Variants in SGMS2 observed in about 807,000 individuals in gnomAD.
SGMS2 encodes the protein phosphatidylcholine:ceramide cholinephosphotransferase 2.
Under a neutral mutation model 43.8 loss-of-function variants are expected in SGMS2, and 21 were observed. The observed-to-expected ratio is 0.48, with a 90% CI of 0.34 to 0.69. The LOEUF (loss-of-function observed/expected upper bound fraction) is 0.69. Ranked by LOEUF, SGMS2 falls within the 30% of genes least tolerant of loss-of-function variation. The pLI, the probability that SGMS2 is intolerant of heterozygous loss-of-function variation, is 0.01. For synonymous variants in SGMS2, 167 were observed against 160.6 expected (o/e 1.04, Z -0.30); for missense variants, 384 against 443.2 (o/e 0.87, Z 1.20).
intron 1 of SGMS2, among the ~76,000 whole-genome samples, chr4:107,852,150 G>T (rs1727185897): frequency 6.6e-6 from 1 of 151,440 alleles, no homozygotes; most frequent in Non-Finnish European, 1.5e-5. Flanking sequence ...CTCGCTGCAA[G>T]GTCCGCCTCC....
intron 3 of SGMS2, among the ~76,000 whole-genome samples, chr4:107,898,599 ATCCC>A (rs1730867772): frequency 6.6e-6 from 1 of 152,142 alleles, no homozygotes; most frequent in Non-Finnish European, 1.5e-5. Context: ...TCATCTCTTA[ATCCC>A]CAGAGCCCAG....
At chr4:107,904,261 A>C (rs1400090653) in intron 5 of SGMS2, among the ~76,000 whole-genome samples, 1 of 151,780 alleles carries the variant, frequency 6.6e-6, no homozygotes, top group Non-Finnish European at 1.5e-5. Flanking sequence ...TATTTTTTGG[A>C]GGTTTATCTT....
intron 1 of SGMS2, among the ~76,000 whole-genome samples, chr4:107,838,408 C>T (rs1726315021): frequency 6.6e-6 from 1 of 151,876 alleles, no homozygotes; most frequent in Non-Finnish European, 1.5e-5. Flanking sequence ...CCACTTTACC[C>T]TGTGGGCTAG....
At position 107,914,012 on chromosome 4, in the gene SGMS2, T is replaced by A. The variant is rs370866561; in HGVS notation, c.*3459T>A. The A allele has an allele frequency of 2.6e-5, 4 of 152,260 alleles. No homozygotes were observed. The East Asian group carries it at 7.7e-4, about 29-fold the overall frequency. 9.4% of individuals were successfully genotyped at this position (152,260 alleles called of 1,614,324 possible). A position where few individuals can be genotyped will look rare whatever the true frequency, so the allele number is the denominator to read the frequency against. On this transcript the variant is annotated 3_prime_UTR_variant, in exon 7 of 7. Coordinates refer to ENST00000690982, the MANE Select transcript of SGMS2 (RefSeq NM_001375905.1). ...GTGTGAGAAGGAGTTTCTTAATGAG[T>A]TTACACGTTTAAATCAAGCATATTA...
At chr4:107,840,039 AC>A (rs1288437796) in intron 1 of SGMS2, among the ~76,000 whole-genome samples, 1 of 152,130 alleles carries the variant, frequency 6.6e-6, no homozygotes, top group Non-Finnish European at 1.5e-5. Context: ...TTATATGGTC[AC>A]CCTACTTAAA....
intron 1 of SGMS2, among the ~76,000 whole-genome samples, chr4:107,853,315 G>A (rs1033762226): frequency 1.3e-5 from 2 of 152,176 alleles, no homozygotes; most frequent in Non-Finnish European, 2.9e-5. Context: ...TGGGCAGAGA[G>A]AAGTACAGAG....
intron 2 of SGMS2, among the ~76,000 whole-genome samples, chr4:107,872,389 A>G (rs150108234): frequency 6.6e-6 from 1 of 152,214 alleles, no homozygotes; most frequent in African/African-American, 2.4e-5. Flanking sequence ...TTAATCTTTC[A>G]TTATTATTGT....
At chr4:107,890,383 A>T (rs1730103645) in intron 2 of SGMS2, among the ~76,000 whole-genome samples, 1 of 152,134 alleles carries the variant, frequency 6.6e-6, no homozygotes, top group Non-Finnish European at 1.5e-5. Flanking sequence ...GAAAAAATTT[A>T]AAAAACGGGC....
chr4:107,908,783 C>G, intron 6 of SGMS2, 52 bp downstream of exon 6: 1 of 1,534,680 alleles, frequency 6.5e-7, no homozygotes, highest in East Asian at 2.3e-5. Flanking sequence ...ATGCAGTGGA[C>G]CCTTTTCATG....
chr4:107,897,679 C>T (rs1730789875), intron 3 of SGMS2, among the ~76,000 whole-genome samples: 2 of 152,184 alleles, frequency 1.3e-5, no homozygotes, highest in African/African-American at 2.4e-5. Flanking sequence ...TCCAAACACA[C>T]GGTCACATAG....
upstream of SGMS2, chr4:107,824,916 C>G (rs1725480821): frequency 6.6e-6 from 1 of 151,806 alleles, no homozygotes; most frequent in Non-Finnish European, 1.5e-5. Context: ...AGAGCGGGCG[C>G]GGGGCCGCGG....
In SGMS2 at chr4:107,882,381, T is replaced by C. The variant is rs143722658; in HGVS notation, c.-244-12929T>C. ...GATCATTGATGTTAAGCACTTTTCATATAGCTGTTTGCCATCTGTCTGTCT... is the reference window on the plus strand; with the variant it reads ...GATCATTGATGTTAAGCACTTTTCACATAGCTGTTTGCCATCTGTCTGTCT... On this transcript the variant is annotated intron_variant, in intron 2 of 6. Coordinates refer to ENST00000690982, the MANE Select transcript of SGMS2 (RefSeq NM_001375905.1). Among the ~76,000 whole-genome samples the C allele has an allele frequency of 2.0e-5, 3 of 152,358 alleles. No homozygotes were observed. In the East Asian group the frequency reaches 5.8e-4, roughly 29 times the overall value.
chr4:107,890,621 G>C (rs1046048247), intron 2 of SGMS2, among the ~76,000 whole-genome samples: 16 of 145,530 alleles, frequency 1.1e-4, no homozygotes, highest in African/African-American at 3.6e-4. Context: ...GTTGCAGTGA[G>C]CCAAGATCAC....
At chr4:107,830,331 C>T (rs184199029) in intron 1 of SGMS2, among the ~76,000 whole-genome samples, 66 of 152,158 alleles carry the variant, frequency 4.3e-4, no homozygotes, top group Admixed American at 1.0e-3. Context: ...AATAGAGCTG[C>T]GATGAACATA....
At position 107,910,250 on chromosome 4, in the gene SGMS2, C is replaced by T. The variant is rs925112505; in HGVS notation, c.895-100C>T. The T allele has an allele frequency of 3.0e-6, 3 of 991,458 alleles. No individual in the cohort carries two copies. The Admixed American group carries it at 6.9e-5, about 23-fold the overall frequency. The allele number at this position is 991,458 out of a possible 1,614,324, so 61.4% of individuals were successfully genotyped here. A position where few individuals can be genotyped will look rare whatever the true frequency, so the allele number is the denominator to read the frequency against. Reference sequence around the variant, plus strand: ...CATTACTGCCATGTGATTCTGAATTCTGTTTTCCCTAGGTTACAGTGAATG... The same window carrying T: ...CATTACTGCCATGTGATTCTGAATTTTGTTTTCCCTAGGTTACAGTGAATG... On this transcript the variant is annotated intron_variant, in intron 6 of 6. Coordinates refer to ENST00000690982, the MANE Select transcript of SGMS2 (RefSeq NM_001375905.1).
At chr4:107,871,394 T>C (rs1031243143) in intron 2 of SGMS2, among the ~76,000 whole-genome samples, 1 of 152,166 alleles carries the variant, frequency 6.6e-6, no homozygotes, top group African/African-American at 2.4e-5. Context: ...CTTCAAATGT[T>C]ATTTCAGGCT....
rs1026468239 is a variant in SGMS2 at position 107,911,788 on chromosome 4, T to G, written c.*1235T>G. 1 of 151,408 alleles carries G rather than the reference T, an allele frequency of 6.6e-6. No homozygotes were observed. The highest frequency in any genetic ancestry group is 2.1e-4 in the South Asian group (1 of 4,818). 9.4% of individuals were successfully genotyped at this position (151,408 alleles called of 1,614,324 possible). A position where few individuals can be genotyped will look rare whatever the true frequency, so the allele number is the denominator to read the frequency against. ...GGGGATAACTGTTTCTAAATTTCTT[T>G]AAGGTGATGCCAAAAAATGGATTAA... On this transcript the variant is annotated 3_prime_UTR_variant, in exon 7 of 7. Transcript: ENST00000690982.
intron 2 of SGMS2, among the ~76,000 whole-genome samples, chr4:107,866,521 G>A (rs1728135159): frequency 6.6e-6 from 1 of 151,638 alleles, no homozygotes; most frequent in Non-Finnish European, 1.5e-5. Context: ...AGCTGAGATC[G>A]CGCCATTGCA....
At chr4:107,876,773 TC>T (rs1728941589) in intron 2 of SGMS2, among the ~76,000 whole-genome samples, 1 of 152,238 alleles carries the variant, frequency 6.6e-6, no homozygotes, top group South Asian at 2.1e-4. Flanking sequence ...AGATTATGTT[TC>T]CAAATCTAGG....
Sources: allele counts gnomAD v4.1 joint callset (sites outside exome capture counted in the v4.1 genomes callset), GRCh38; gene constraint gnomAD v4.1.1; transcripts MANE v1.5; gene names NCBI Gene and HGNC (gene_info 2026-07-23, HGNC 2026-07-21).